ARHGAP5: variants seen among roughly 807,000 people sequenced by gnomAD.
ARHGAP5 encodes rho GTPase-activating protein 5.
ARHGAP5 carries 23 observed loss-of-function variants against 116.6 expected under a neutral mutation model. That is an observed-to-expected ratio of 0.20 (90% CI 0.14 to 0.28). ARHGAP5 has a LOEUF of 0.28. ARHGAP5 is among the 10% of genes least tolerant of loss of function. The pLI, the probability that ARHGAP5 is intolerant of heterozygous loss-of-function variation, is 1.00. For missense variants in ARHGAP5, 1,405 were observed against 1,774.8 expected (o/e 0.79, Z 3.74); for synonymous variants, 574 against 602.0 (o/e 0.95, Z 0.68).
chr14:32,146,163 G>T (rs1164749759), intron 3 of ARHGAP5, 100 bp from the exon 4 acceptor site: 1 of 804,120 alleles, frequency 1.2e-6, no homozygotes, highest in Non-Finnish European at 2.0e-6. Flanking sequence ...CTCCCACCTT[G>T]GCCTCCCAGA....
intron 3 of ARHGAP5, among the ~76,000 whole-genome samples, chr14:32,136,357 C>G (rs1243855040): frequency 6.6e-6 from 1 of 152,170 alleles, no homozygotes; most frequent in African/African-American, 2.4e-5. Flanking sequence ...ATTTCATGTT[C>G]TGAAATCACA....
intron 3 of ARHGAP5, among the ~76,000 whole-genome samples, chr14:32,119,792 A>G (rs896505034): frequency 1.3e-5 from 2 of 152,104 alleles, no homozygotes; most frequent in Non-Finnish European, 2.9e-5. Context: ...TGTGAATTAC[A>G]TTGATTTTTC....
At chr14:32,116,310 G>T (rs964138035) in intron 2 of ARHGAP5, among the ~76,000 whole-genome samples, 7 of 143,354 alleles carry the variant, frequency 4.9e-5, no homozygotes, top group Non-Finnish European at 9.1e-5. Flanking sequence ...AATAAATAAG[G>T]CTGGGCGCGG....
chr14:32,140,093 TG>T (rs1566681664), intron 3 of ARHGAP5, among the ~76,000 whole-genome samples: 10 of 133,694 alleles, frequency 7.5e-5, no homozygotes, highest in East Asian at 2.1e-4. Context: ...TTAGGTTATT[TG>T]TTCTTTTTTT....
At chr14:32,154,407 C>A in intron 6 of ARHGAP5, 1 of 482,126 alleles carries the variant, frequency 2.1e-6, no homozygotes, top group Non-Finnish European at 3.7e-6. Flanking sequence ...CCTCAGCCTC[C>A]CAAAGTGCTG....
intron 3 of ARHGAP5, among the ~76,000 whole-genome samples, chr14:32,142,499 T>TTTGCC: frequency 1.3e-5 from 2 of 152,260 alleles, no homozygotes; most frequent in African/African-American, 2.4e-5. Flanking sequence ...AAGTCTGTTC[T>TTTGCC]ATTCACTTTG....
intron 5 of ARHGAP5, among the ~76,000 whole-genome samples, chr14:32,150,910 C>CT (rs1015445972): frequency 6.6e-6 from 1 of 152,170 alleles, no homozygotes. Flanking sequence ...GAACTAAAGT[C>CT]TGTTTGGGCA....
intron 2 of ARHGAP5, among the ~76,000 whole-genome samples, chr14:32,096,440 C>T (rs527823444): frequency 8.2e-4 from 125 of 152,106 alleles, no homozygotes; most frequent in Non-Finnish European, 1.5e-3. Flanking sequence ...AATAGACAAA[C>T]CTCTGGTAAT....
At position 32,099,286 on chromosome 14, in the gene ARHGAP5, T is replaced by C. The variant is rs148331195; in HGVS notation, c.3717+4900T>C. Among the ~76,000 whole-genome samples, 6 of 152,290 alleles carry C rather than the reference T, an allele frequency of 3.9e-5. No homozygotes were observed. The East Asian group carries it at 1.2e-3, about 29-fold the overall frequency. On this transcript the variant is annotated intron_variant, in intron 2 of 6. Coordinates refer to ENST00000345122, the MANE Select transcript of ARHGAP5 (RefSeq NM_001030055.2). Reference sequence around the variant, plus strand: ...TTTGGTTTTATAGTTCAAGTGGAGATGTCAATCAGGTAGGAAGTTACGGGT... The same window carrying C: ...TTTGGTTTTATAGTTCAAGTGGAGACGTCAATCAGGTAGGAAGTTACGGGT...
At chr14:32,147,810 A>G (rs1270559236) in intron 4 of ARHGAP5, among the ~76,000 whole-genome samples, 1 of 152,212 alleles carries the variant, frequency 6.6e-6, no homozygotes, top group Admixed American at 6.5e-5. Flanking sequence ...TGTGTATACA[A>G]AAACACACCT....
chr14:32,082,441 G>A (rs1405500400), intron 1 of ARHGAP5, among the ~76,000 whole-genome samples: 1 of 152,170 alleles, frequency 6.6e-6, no homozygotes. Context: ...AAACTGATTA[G>A]TTTTTCATTA....
intron 1 of ARHGAP5, among the ~76,000 whole-genome samples, chr14:32,085,866 A>G (rs937379999): frequency 6.6e-6 from 1 of 152,208 alleles, no homozygotes; most frequent in African/African-American, 2.4e-5. Context: ...AAGATGTCAT[A>G]AAATTAGATT....
rs567170463 is a variant in ARHGAP5, at chr14:32,157,172, C to T, written c.*2224C>T. ...AATACTCTACGTTTGGTTCAATTAACCAGTAGGTTACAGTTATTGAAAATT... is the reference window on the plus strand; with the variant it reads ...AATACTCTACGTTTGGTTCAATTAATCAGTAGGTTACAGTTATTGAAAATT... On this transcript the variant is annotated 3_prime_UTR_variant, in exon 7 of 7. Coordinates refer to ENST00000345122, the MANE Select transcript of ARHGAP5 (RefSeq NM_001030055.2). 6.6e-6 allele frequency: 1 copy of T among 152,352 alleles called. No homozygotes were observed. The highest frequency in any genetic ancestry group is 2.1e-4 in the South Asian group (1 of 4,820). The allele number at this position is 152,352 out of a possible 1,614,324, so 9.4% of individuals were successfully genotyped here.
intron 2 of ARHGAP5, among the ~76,000 whole-genome samples, chr14:32,116,330 C>A (rs1879588225): frequency 6.6e-6 from 1 of 151,384 alleles, no homozygotes; most frequent in Non-Finnish European, 1.5e-5. Context: ...GTGGCTCACA[C>A]CTGTAATCCC....
At chr14:32,143,239 G>GTTATTATTATTATTATTA (rs879687026) in intron 3 of ARHGAP5, among the ~76,000 whole-genome samples, 3 of 143,886 alleles carry the variant, frequency 2.1e-5, no homozygotes, top group African/African-American at 8.1e-5. Context: ...TGTTGTTGTT[G>GTTATTATTATTATTATTA]TTATTATTAT....
intron 2 of ARHGAP5, among the ~76,000 whole-genome samples, chr14:32,103,295 T>TATA (rs1453577668): frequency 6.6e-6 from 1 of 152,226 alleles, no homozygotes. Context: ...TCATGATTTA[T>TATA]TGCTTTTCAA....
intron 4 of ARHGAP5, among the ~76,000 whole-genome samples, chr14:32,148,576 A>G (rs1881498134): frequency 6.6e-6 from 1 of 152,230 alleles, no homozygotes; most frequent in Non-Finnish European, 1.5e-5. Context: ...GCATAGCATC[A>G]TATCATTTTC....
intron 3 of ARHGAP5, among the ~76,000 whole-genome samples, chr14:32,125,691 GT>G (rs1566675020): frequency 6.6e-6 from 1 of 152,118 alleles, no homozygotes; most frequent in Non-Finnish European, 1.5e-5. Context: ...TTTTGATAAG[GT>G]TTCCTTTTAA....
At chr14:32,088,372 A>T (rs538737278) in intron 1 of ARHGAP5, among the ~76,000 whole-genome samples, 56 of 151,242 alleles carry the variant, frequency 3.7e-4, no homozygotes, top group East Asian at 2.3e-3. Flanking sequence ...CTTTTCTAAT[A>T]AAAAAAAAGA....
Sources: gnomAD v4.1 joint callset for allele counts (sites outside exome capture counted in the v4.1 genomes callset) on GRCh38, gnomAD v4.1.1 for gene constraint, MANE v1.5 for transcripts, NCBI Gene and HGNC (gene_info 2026-07-23, HGNC 2026-07-21) for gene names.